The following GOLM2 variants were observed in gnomAD, a reference collection of about 807,000 sequenced individuals.
GOLM2 encodes golgi membrane protein 2.
Under a neutral mutation model 55.9 loss-of-function variants are expected in GOLM2, and 26 were observed. That is an observed-to-expected ratio of 0.47 (90% CI 0.34 to 0.65). The LOEUF is 0.65. GOLM2 is among the 30% of genes least tolerant of loss of function. The probability of loss-of-function intolerance (pLI) is 0.01; values close to 1 mark genes in which losing one functional copy is unlikely to be tolerated. For synonymous variants in GOLM2, 165 were observed against 194.6 expected (o/e 0.85, Z 1.27); for missense variants, 486 against 531.8 (o/e 0.91, Z 0.85).
chr15:44,409,626 A>AAC (rs2079622859), intron 9 of GOLM2: 2 of 111,504 alleles, frequency 1.8e-5, no homozygotes, highest in East Asian at 2.9e-4. Context: ...AAAAAAAAAA[A>AAC]TGCTGGGCGC....
Position 44,388,439 on chromosome 15 carries a change from C to T in GOLM2, c.1072+7463C>T, listed in dbSNP as rs565428442. On this transcript the variant is annotated intron_variant, in intron 8 of 9. Transcript: ENST00000299957. Reference sequence around the variant, plus strand: ...GCCTGTAATCCTAACACTGGGAGGCCGAGGCAGATGGATCACTTGAGCCCA... The same window carrying T: ...GCCTGTAATCCTAACACTGGGAGGCTGAGGCAGATGGATCACTTGAGCCCA... Among the ~76,000 whole-genome samples, 386 of 152,180 alleles carry T rather than the reference C, an allele frequency of 2.5e-3. 3 individuals are homozygous for T. Among genetic ancestry groups the T allele is most frequent in the Non-Finnish European group, 4.7e-3 (322 of 67,990 alleles).
At chr15:44,343,616 A>G (rs1228745930) in intron 6 of GOLM2, among the ~76,000 whole-genome samples, 1 of 151,956 alleles carries the variant, frequency 6.6e-6, no homozygotes, top group Non-Finnish European at 1.5e-5. Context: ...ACTTGAGGCC[A>G]GGAGTTTGAG....
intron 5 of GOLM2, 68 bp downstream of exon 5, chr15:44,337,975 G>T: frequency 7.2e-7 from 1 of 1,387,278 alleles, no homozygotes; most frequent in East Asian, 2.4e-5. Context: ...ATTTTGAAGT[G>T]GATATTTTCA....
chr15:44,313,699 A>T (rs906886851), intron 1 of GOLM2, among the ~76,000 whole-genome samples: 2 of 152,210 alleles, frequency 1.3e-5, no homozygotes, highest in Non-Finnish European at 2.9e-5. Context: ...CTGACTAAAT[A>T]AGTAAACTTT....
chr15:44,342,777 C>T (rs2079098108), intron 6 of GOLM2, among the ~76,000 whole-genome samples: 1 of 152,328 alleles, frequency 6.6e-6, no homozygotes, highest in Non-Finnish European at 1.5e-5. Flanking sequence ...GAGCTCCCTA[C>T]ATGCTGCCTT....
intron 6 of GOLM2, among the ~76,000 whole-genome samples, chr15:44,353,559 A>G (rs1008092386): frequency 6.6e-6 from 1 of 152,226 alleles, no homozygotes; most frequent in African/African-American, 2.4e-5. Context: ...GGATAAGGAA[A>G]ATGTGGTATA....
chr15:44,315,883 A>G (rs1158280213), intron 1 of GOLM2, among the ~76,000 whole-genome samples: 1 of 152,226 alleles, frequency 6.6e-6, no homozygotes, highest in Non-Finnish European at 1.5e-5. Flanking sequence ...GAAACCTTGA[A>G]GAATAATTAA....
rs754761030 is a variant in GOLM2, at chr15:44,414,752, T to C, written c.*1346T>C. ...ATTTTATTAAAATAGCTTAAAAGTT[T>C]GTAAAAAAATGAATCTTTGTAATTA... On this transcript the variant is annotated 3_prime_UTR_variant, in exon 10 of 10. Coordinates refer to ENST00000299957, the MANE Select transcript of GOLM2 (RefSeq NM_138423.4). 3.8e-4 allele frequency: 58 copies of C among 152,746 alleles called. No individual in the cohort carries two copies. Among genetic ancestry groups the C allele is most frequent in the Admixed American group, 1.7e-3 (26 of 15,296 alleles). The allele number at this position is 152,746 out of a possible 1,614,324, so 9.5% of individuals were successfully genotyped here.
At chr15:44,358,027 T>C (rs2079209323) in intron 6 of GOLM2, among the ~76,000 whole-genome samples, 1 of 152,172 alleles carries the variant, frequency 6.6e-6, no homozygotes, top group Non-Finnish European at 1.5e-5. Context: ...GGAAGTTATT[T>C]TGTGGATATT....
chr15:44,341,512 A>G (rs1342157038), intron 6 of GOLM2, among the ~76,000 whole-genome samples: 1 of 152,178 alleles, frequency 6.6e-6, no homozygotes, highest in Middle Eastern at 3.2e-3. Flanking sequence ...GTAAAATGAA[A>G]TGGGAATACA....
intron 6 of GOLM2, among the ~76,000 whole-genome samples, chr15:44,338,547 A>G (rs1047159902): frequency 2.6e-5 from 4 of 152,236 alleles, no homozygotes; most frequent in Admixed American, 2.6e-4. Flanking sequence ...AATCACCTAT[A>G]TTTGAATCTT....
chr15:44,365,886 T>C (rs2079280033), intron 6 of GOLM2, among the ~76,000 whole-genome samples: 1 of 152,220 alleles, frequency 6.6e-6, no homozygotes, highest in Non-Finnish European at 1.5e-5. Flanking sequence ...TTAACAAATG[T>C]ACCACTTTGG....
At chr15:44,312,775 G>A (rs755341458) in intron 1 of GOLM2, among the ~76,000 whole-genome samples, 6 of 151,564 alleles carry the variant, frequency 4.0e-5, no homozygotes, top group African/African-American at 7.3e-5. Context: ...GTGAAACCCC[G>A]TCTCTACTAA....
rs768126877 is a variant in GOLM2, at chr15:44,313,078, C to CA, written c.328-9874dup. The stretch of plus-strand genomic sequence containing the variant: ...TGGGCGACGGAGCAAGACTCCATCT[C>CA]AAAAAAAAAAAAATACAAAAATTAG... On this transcript the variant is annotated intron_variant, in intron 1 of 9. Transcript: ENST00000299957. 1.7e-3 allele frequency among the ~76,000 whole-genome samples: 227 copies of CA among 135,508 alleles called. 2 individuals are homozygous for CA. Among genetic ancestry groups the CA allele is most frequent in the East Asian group, 0.015 (71 of 4,816 alleles). The allele number at this position is 135,508 out of a possible 152,430, so 88.9% of individuals were successfully genotyped here.
At chr15:44,303,470 A>C (rs2078813575) in intron 1 of GOLM2, among the ~76,000 whole-genome samples, 1 of 152,166 alleles carries the variant, frequency 6.6e-6, no homozygotes, top group Non-Finnish European at 1.5e-5. Flanking sequence ...TATTTTTCTG[A>C]TTCAATTTAG....
At chr15:44,300,916 T>C (rs990392102) in intron 1 of GOLM2, among the ~76,000 whole-genome samples, 2 of 152,218 alleles carry the variant, frequency 1.3e-5, no homozygotes, top group Admixed American at 1.3e-4. Context: ...AGTTCCTCTT[T>C]TGAACAATGT....
At chr15:44,313,646 C>T (rs2078888965) in intron 1 of GOLM2, among the ~76,000 whole-genome samples, 1 of 152,134 alleles carries the variant, frequency 6.6e-6, no homozygotes, top group East Asian at 1.9e-4. Flanking sequence ...CAGTGTCTTT[C>T]ACTTAGCAGG....
At chr15:44,369,066 ATT>A (rs1491549886) in intron 6 of GOLM2, among the ~76,000 whole-genome samples, 12 of 60,076 alleles carry the variant, frequency 2.0e-4, no homozygotes, top group African/African-American at 8.2e-4. Flanking sequence ...AATAGGATAT[ATT>A]ATATATATAT....
At chr15:44,413,291 T>A in intron 9 of GOLM2, 45 bp from the exon 10 acceptor site, 1 of 1,408,756 alleles carries the variant, frequency 7.1e-7, no homozygotes, top group South Asian at 1.2e-5. Flanking sequence ...ATTTCTGCAG[T>A]GATTTAAAAA....
Sources: gnomAD v4.1 joint callset for allele counts (sites outside exome capture counted in the v4.1 genomes callset) on GRCh38, gnomAD v4.1.1 for gene constraint, MANE v1.5 for transcripts, NCBI Gene and HGNC (gene_info 2026-07-23, HGNC 2026-07-21) for gene names.